Variants in SIGLEC15 observed in about 807,000 individuals in gnomAD.
SIGLEC15 encodes the protein sialic acid binding Ig like lectin 15, also known as sialic acid-binding Ig-like lectin 15.
SIGLEC15 carries 31 observed loss-of-function variants against 26.2 expected under a neutral mutation model. The ratio of observed to expected loss-of-function variants is 1.18; its 90% CI spans 0.89 to 1.60. The LOEUF is 1.60. Ranked by LOEUF, SIGLEC15 falls within the 40% of genes most tolerant of loss-of-function variation. The pLI, the probability that SIGLEC15 is intolerant of heterozygous loss-of-function variation, is 0.00. For missense variants in SIGLEC15, 501 were observed against 488.4 expected (o/e 1.03, Z -0.24); for synonymous variants, 207 against 221.9 (o/e 0.93, Z 0.60).
intron 4 of SIGLEC15, 68 bp from the exon 5 acceptor site, chr18:45,840,143 G>A (rs2048312831): frequency 2.5e-6 from 4 of 1,572,094 alleles, no homozygotes; most frequent in Non-Finnish European, 3.5e-6. Flanking sequence ...GGCATGGGTG[G>A]GGGTGGGCGC....
rs114982853 is a variant in SIGLEC15 at position 45,834,187 on chromosome 18, G to A, written c.53-2842G>A. On this transcript the variant is annotated intron_variant, in intron 1 of 5. Coordinates refer to ENST00000389474, the MANE Select transcript of SIGLEC15 (RefSeq NM_213602.3). ...CTCAAGGGTTCTCCAATCCCTGCCT[G>A]CCTAATACACCCCTACTCTAACCAC... 3.9e-3 allele frequency among the ~76,000 whole-genome samples: 598 copies of A among 152,190 alleles called. 8 individuals are homozygous for A. Among genetic ancestry groups the A allele is most frequent in the African/African-American group, 0.013 (555 of 41,516 alleles).
intron 3 of SIGLEC15, 102 bp from the exon 4 acceptor site, chr18:45,838,616 C>T (rs2145070121): frequency 7.1e-7 from 1 of 1,402,706 alleles, no homozygotes; most frequent in Non-Finnish European, 9.3e-7. Context: ...ACCCAAGTGC[C>T]CATTCCTCCC....
intron 3 of SIGLEC15, chr18:45,838,494 T>G: frequency 1.6e-6 from 1 of 638,884 alleles, no homozygotes; most frequent in Non-Finnish European, 2.5e-6. Context: ...TTCAGCAACC[T>G]CTTAAGGCAA....
At position 45,842,467 on chromosome 18, in the gene SIGLEC15, G is replaced by T; in HGVS notation, c.*280G>T. On this transcript the variant is annotated 3_prime_UTR_variant, in exon 6 of 6. Transcript: ENST00000389474. The stretch of plus-strand genomic sequence containing the variant: ...TGAGAGAGAGAGAGAGAGAGTACAC[G>T]CATTAGCTTGAGCGTGAAACTTCCA... 1 of 386,026 alleles carries T rather than the reference G, an allele frequency of 2.6e-6. No individual in the cohort carries two copies. The highest frequency in any genetic ancestry group is 4.7e-6 in the Non-Finnish European group (1 of 213,560). The allele number at this position is 386,026 out of a possible 1,614,324, so 23.9% of individuals were successfully genotyped here.
At position 45,842,317 on chromosome 18, in the gene SIGLEC15, C is replaced by T; in HGVS notation, c.*130C>T. The T allele has an allele frequency of 3.4e-6, 3 of 895,304 alleles. No individual in the cohort carries two copies. The highest frequency in any genetic ancestry group is 5.3e-6 in the Non-Finnish European group (3 of 564,758). The allele number at this position is 895,304 out of a possible 1,614,324, so 55.5% of individuals were successfully genotyped here. A position where few individuals can be genotyped will look rare whatever the true frequency, so the allele number is the denominator to read the frequency against. On this transcript the variant is annotated 3_prime_UTR_variant, in exon 6 of 6. Transcript: ENST00000389474. Reference sequence around the variant, plus strand: ...CCCCAGCTGGGTGGCTCCTCCCCTGCTCAAGGTCAAGACCCTGCTCAAGGA... The same window carrying T: ...CCCCAGCTGGGTGGCTCCTCCCCTGTTCAAGGTCAAGACCCTGCTCAAGGA...
At chr18:45,832,538 G>T (rs2048243816) in intron 1 of SIGLEC15, among the ~76,000 whole-genome samples, 1 of 152,192 alleles carries the variant, frequency 6.6e-6, no homozygotes, top group African/African-American at 2.4e-5. Context: ...GCCAGAGGTG[G>T]AATTGCCACC....
intron 5 of SIGLEC15, among the ~76,000 whole-genome samples, chr18:45,841,674 G>A (rs1471869683): frequency 6.6e-6 from 1 of 152,184 alleles, no homozygotes; most frequent in Non-Finnish European, 1.5e-5. Flanking sequence ...GGGAGCCTGA[G>A]CCCTGGGTCC....
rs1407061291 is a variant in SIGLEC15 at position 45,839,054 on chromosome 18, T to G, written c.833T>G (p.Leu278Arg). Residue 278 changes from leucine to arginine, a missense_variant, in exon 4 of 6, where the codon CTG becomes CGG. Physicochemically the swap from Leu to Arg is moderately radical, Grantham distance 102. Transcript: ENST00000389474. ...GCTCTCGGCTTCAAGGCGCTGCTGC[T>G]GCTCGGGGTCCTGGCCGCCCGCGCT... is the stretch of plus-strand genomic sequence containing the variant. ...LGALGFKALL[L>R]LGVLAARAAR... 9 of 1,519,620 alleles carry G rather than the reference T, an allele frequency of 5.9e-6. No individual in the cohort carries two copies. Among genetic ancestry groups the G allele is most frequent in the Middle Eastern group, 1.7e-4 (1 of 5,754 alleles). The allele number at this position is 1,519,620 out of a possible 1,614,324, so 94.1% of individuals were successfully genotyped here. A position where few individuals can be genotyped will look rare whatever the true frequency, so the allele number is the denominator to read the frequency against.
rs1454916731 is a variant in SIGLEC15, at chr18:45,837,593, A to G, written c.193A>G (p.Thr65Ala). ...EAGDAAVLPCTFTHPHRHYDG... is the reference protein window; with the variant it reads ...EAGDAAVLPCAFTHPHRHYDG... Reference sequence around the variant, plus strand: ...AGGCGACGCGGCAGTGCTGCCCTGCACCTTCACGCACCCGCACCGCCACTA... The same window carrying G: ...AGGCGACGCGGCAGTGCTGCCCTGCGCCTTCACGCACCCGCACCGCCACTA... The change falls in exon 3 of 6, where the codon ACC becomes GCC. Residue 65 changes from threonine to alanine, a missense_variant. Thr to Ala is a moderately conservative substitution (Grantham distance 58). Transcript: ENST00000389474. 2.0e-6 allele frequency: 3 copies of G among 1,512,122 alleles called. No homozygotes were observed. Among genetic ancestry groups the G allele is most frequent in the Non-Finnish European group, 2.6e-6 (3 of 1,137,782 alleles). The allele number at this position is 1,512,122 out of a possible 1,614,324, so 93.7% of individuals were successfully genotyped here. A position where few individuals can be genotyped will look rare whatever the true frequency, so the allele number is the denominator to read the frequency against.
At chr18:45,831,220 G>A (rs755514996) in intron 1 of SIGLEC15, among the ~76,000 whole-genome samples, 1 of 152,190 alleles carries the variant, frequency 6.6e-6, no homozygotes, top group Non-Finnish European at 1.5e-5. Flanking sequence ...ACACTCGCCT[G>A]CTGCCGTGTT....
Position 45,840,348 on chromosome 18 carries a change from G to A in SIGLEC15, c.905+107G>A, listed in dbSNP as rs2048315182. On this transcript the variant is annotated intron_variant, in intron 5 of 5. Transcript: ENST00000389474. ...ATAAATGGCAAAGGGCTGGGGCTGG[G>A]GTCCTACTTTGACCAGGGGCTGGGC... 6 of 1,310,836 alleles carry A rather than the reference G, an allele frequency of 4.6e-6. No individual in the cohort carries two copies. In the Admixed American group the frequency reaches 6.7e-5, roughly 15 times the overall value. 81.2% of individuals were successfully genotyped at this position (1,310,836 alleles called of 1,614,324 possible). A position where few individuals can be genotyped will look rare whatever the true frequency, so the allele number is the denominator to read the frequency against.
In SIGLEC15 at chr18:45,838,972, T is replaced by C. The variant is rs753984455; in HGVS notation, c.751T>C (p.Tyr251His). 2.5e-6 allele frequency: 4 copies of C among 1,602,970 alleles called. No individual in the cohort carries two copies. In the South Asian group the frequency reaches 3.3e-5, roughly 13 times the overall value. ...NSLGRSEASVYLFRFHGASGA... is the reference protein window; with the variant it reads ...NSLGRSEASVHLFRFHGASGA... ...CCTGGGCCGCTCCGAGGCCAGCGTC[T>C]ACCTGTTCCGCTTCCATGGCGCCAG... Residue 251 changes from tyrosine to histidine, a missense_variant, in exon 4 of 6, where the codon TAC becomes CAC. By Grantham distance (83) the Tyr-to-His change is moderately conservative. Coordinates refer to ENST00000389474, the MANE Select transcript of SIGLEC15 (RefSeq NM_213602.3).
At chr18:45,839,627 G>A (rs1204741206) in intron 4 of SIGLEC15, among the ~76,000 whole-genome samples, 3 of 152,128 alleles carry the variant, frequency 2.0e-5, no homozygotes, top group African/African-American at 4.8e-5. Context: ...CCCTCTGGTG[G>A]GGCATCTGGA....
chr18:45,834,169 G>T lies in SIGLEC15; in HGVS notation c.53-2860G>T, dbSNP rs117106838. On this transcript the variant is annotated intron_variant, in intron 1 of 5. Transcript: ENST00000389474. The stretch of plus-strand genomic sequence containing the variant: ...TGAAGTGACATCGCCTCTCTCAAGG[G>T]TTCTCCAATCCCTGCCTGCCTAATA... Among the ~76,000 whole-genome samples, 395 of 152,230 alleles carry T rather than the reference G, an allele frequency of 2.6e-3. 1 individual carries two copies. The highest frequency in any genetic ancestry group is 0.01 in the Middle Eastern group (3 of 294).
rs1599401039 is a variant in SIGLEC15, at chr18:45,842,425, G to C, written c.*238G>C. ...GCATTTCGTAAATGTGCATACGTCT[G>C]TGTGTGTGTGTGTGTGTGAGAGAGA... is the stretch of plus-strand genomic sequence containing the variant. On this transcript the variant is annotated 3_prime_UTR_variant, in exon 6 of 6. Transcript: ENST00000389474. 1 of 332,676 alleles carries C rather than the reference G, an allele frequency of 3.0e-6. No homozygotes were observed. Among genetic ancestry groups the C allele is most frequent in the East Asian group, 4.8e-5 (1 of 21,008 alleles). 20.6% of individuals were successfully genotyped at this position (332,676 alleles called of 1,614,324 possible).
chr18:45,843,985 C>G lies in SIGLEC15; in HGVS notation c.*1798C>G, dbSNP rs747095269. On this transcript the variant is annotated 3_prime_UTR_variant, in exon 6 of 6. Coordinates refer to ENST00000389474, the MANE Select transcript of SIGLEC15 (RefSeq NM_213602.3). ...AAAGATACCAGTACTCCCATGTTTA[C>G]TGCAGCACTATTTGCAATAGCCAAG... 1 of 152,132 alleles carries G rather than the reference C, an allele frequency of 6.6e-6. No individual in the cohort carries two copies. The highest frequency in any genetic ancestry group is 1.5e-5 in the Non-Finnish European group (1 of 68,042). 9.4% of individuals were successfully genotyped at this position (152,132 alleles called of 1,614,324 possible). A position where few individuals can be genotyped will look rare whatever the true frequency, so the allele number is the denominator to read the frequency against.
chr18:45,838,981 C>T lies in SIGLEC15; in HGVS notation c.760C>T (p.Arg254Cys), dbSNP rs1407670270. 1.3e-5 allele frequency: 21 copies of T among 1,600,984 alleles called. No individual in the cohort carries two copies. In the East Asian group the frequency reaches 1.6e-4, roughly 12 times the overall value. Residue 254 changes from arginine to cysteine, a missense_variant, in exon 4 of 6, where the codon CGC (arginine) becomes TGC (cysteine). Arg to Cys is a radical substitution (Grantham distance 180, BLOSUM62 -3). Transcript: ENST00000389474. The stretch of plus-strand genomic sequence containing the variant: ...CTCCGAGGCCAGCGTCTACCTGTTC[C>T]GCTTCCATGGCGCCAGCGGGGCCTC... ...GRSEASVYLF[R>C]FHGASGASTV...
At chr18:45,840,399 C>T (rs2048315810) in intron 5 of SIGLEC15, among the ~76,000 whole-genome samples, 158 bp downstream of exon 5, 1 of 152,106 alleles carries the variant, frequency 6.6e-6, no homozygotes, top group Non-Finnish European at 1.5e-5. Flanking sequence ...CCAAGGCACC[C>T]CTCTTGCAGC....
chr18:45,825,840 TTAGGTAC>T, intron 1 of SIGLEC15, 60 bp downstream of exon 1: 4 of 1,594,208 alleles, frequency 2.5e-6, no homozygotes, highest in Non-Finnish European at 3.4e-6. Flanking sequence ...TGAAAGCATC[TTAGGTAC>T]AGTCTCCCCT....
Sources: allele counts gnomAD v4.1 joint callset (sites outside exome capture counted in the v4.1 genomes callset), GRCh38; gene constraint gnomAD v4.1.1; transcripts MANE v1.5; gene names NCBI Gene and HGNC (gene_info 2026-07-23, HGNC 2026-07-21).